ORC6: variants seen among roughly 807,000 people sequenced by gnomAD.
The protein encoded by ORC6 is origin recognition complex, subunit 6 homolog-like (yeast).
Under a neutral mutation model 30.0 loss-of-function variants are expected in ORC6, and 31 were observed. The ratio of observed to expected loss-of-function variants is 1.03; its 90% CI spans 0.78 to 1.40. ORC6 has a LOEUF of 1.40. Among genes scored for constraint, ORC6 ranks in the 40% most tolerant of loss-of-function variants. The pLI, the probability that ORC6 is intolerant of heterozygous loss-of-function variation, is 0.00. For missense variants in ORC6, 340 were observed against 304.3 expected, an observed-to-expected ratio of 1.12 and a Z score of -0.87; for synonymous variants, 136 against 111.2, an observed-to-expected ratio of 1.22 and a Z score of -1.40.
intron 2 of ORC6, among the ~76,000 whole-genome samples, chr16:46,692,065 CAAGT>C (rs1267268836): frequency 6.6e-6 from 1 of 151,824 alleles, no homozygotes; most frequent in Non-Finnish European, 1.5e-5. Context: ...TGTATAAACA[CAAGT>C]AACCATCTGT....
At chr16:46,690,884 C>T (rs1966428399) in intron 1 of ORC6, 107 bp from the exon 2 acceptor site, 5 of 1,176,570 alleles carry the variant, frequency 4.2e-6, no homozygotes, top group Non-Finnish European at 3.8e-6. Flanking sequence ...AAACGAGCCA[C>T]AGGAGTTAGG....
chr16:46,695,625 A>T lies in ORC6; in HGVS notation c.513A>T (p.Ile171=). ...MVATSGVKKA[I]FDRLCKQLEK... is the part of the protein sequence containing the mutation. ...CCACATCCGGTGTAAAAAAAGCTAT[A>T]TTTGATCGACTGTGTAAACAACTAG... Residue 171 remains isoleucine, a synonymous_variant, in exon 5 of 7, where the codon ATA becomes ATT. Coordinates refer to ENST00000219097, the MANE Select transcript of ORC6 (RefSeq NM_014321.4). The T allele has an allele frequency of 1.2e-6, 2 of 1,613,854 alleles. No homozygotes were observed. The highest frequency in any genetic ancestry group is 1.7e-6 in the Non-Finnish European group (2 of 1,179,748).
In ORC6 at chr16:46,689,688, C is replaced by G. The variant is rs753727001; in HGVS notation, c.-18C>G. On this transcript the variant is annotated 5_prime_UTR_variant, in exon 1 of 7. Coordinates refer to ENST00000219097, the MANE Select transcript of ORC6 (RefSeq NM_014321.4). ...ACCCGCGGCGTTCACGGGAATTGTT[C>G]GCTTTAGTGCCGGCGCCATGGGGTC... is the stretch of plus-strand genomic sequence containing the variant. 1 of 1,596,324 alleles carries G rather than the reference C, an allele frequency of 6.3e-7. No homozygotes were observed. The highest frequency in any genetic ancestry group is 8.5e-7 in the Non-Finnish European group (1 of 1,171,216).
In ORC6 at chr16:46,689,714, G is replaced by T. The variant is rs1035395171; in HGVS notation, c.9G>T (p.Ser3=). Reference sequence around the variant, plus strand: ...GCTTTAGTGCCGGCGCCATGGGGTCGGAGCTGATCGGGCGCCTAGCCCCGC... The same window carrying T: ...GCTTTAGTGCCGGCGCCATGGGGTCTGAGCTGATCGGGCGCCTAGCCCCGC... MG[S]ELIGRLAPRL... is the part of the protein sequence containing the mutation. Residue 3 remains serine, a synonymous_variant, in exon 1 of 7, where the codon TCG becomes TCT. Transcript: ENST00000219097. The T allele has an allele frequency of 2.0e-5, 32 of 1,601,502 alleles. No homozygotes were observed. Among genetic ancestry groups the T allele is most frequent in the Non-Finnish European group, 2.4e-5 (28 of 1,174,262 alleles).
In ORC6 at chr16:46,690,833, C is replaced by T. The variant is rs1452440829; in HGVS notation, c.66-158C>T. The T allele has an allele frequency of 5.4e-6, 4 of 737,132 alleles. No individual in the cohort carries two copies. In the African/African-American group the frequency reaches 6.9e-5, roughly 13 times the overall value. The allele number at this position is 737,132 out of a possible 1,614,324, so 45.7% of individuals were successfully genotyped here. ...TTGGAGTCAGTGCTGGTTCTGTCTT[C>T]CTCTCACCAGAGGATATGACCTTCA... On this transcript the variant is annotated intron_variant, in intron 1 of 6. Coordinates refer to ENST00000219097, the MANE Select transcript of ORC6 (RefSeq NM_014321.4).
At chr16:46,693,067 T>A (rs770774870) in intron 3 of ORC6, 26 bp from the exon 4 acceptor site, 2 of 1,419,434 alleles carry the variant, frequency 1.4e-6, no homozygotes, top group Admixed American at 3.3e-5. Context: ...TTCTAACAGA[T>A]AATTCTGCAA....
chr16:46,693,525 G>C (rs1054354460), intron 4 of ORC6: 4 of 351,666 alleles, frequency 1.1e-5, no homozygotes, highest in Non-Finnish European at 2.2e-5. Context: ...GGTTGGGCCA[G>C]GCGTGGTGGC....
chr16:46,695,547 G>A lies in ORC6; in HGVS notation c.450-15G>A. On this transcript the variant is annotated splice_polypyrimidine_tract_variant and intron_variant, in intron 4 of 6. Coordinates refer to ENST00000219097, the MANE Select transcript of ORC6 (RefSeq NM_014321.4). Reference sequence around the variant, plus strand: ...ACAGGTCTTGAGAAAAGCAACTTATGAAATTGTTTTGTAGGATTCTAAAGC... The same window carrying A: ...ACAGGTCTTGAGAAAAGCAACTTATAAAATTGTTTTGTAGGATTCTAAAGC... 2 of 1,536,620 alleles carry A rather than the reference G, an allele frequency of 1.3e-6. No homozygotes were observed. Among genetic ancestry groups the A allele is most frequent in the South Asian group, 2.2e-5 (2 of 89,486 alleles).
intron 1 of ORC6, chr16:46,690,706 G>C (rs1180573763): frequency 2.3e-6 from 1 of 441,720 alleles, no homozygotes; most frequent in East Asian, 5.0e-5. Context: ...GCCTGTCTCT[G>C]ATAGTTCGTG....
At chr16:46,691,230 G>A in intron 2 of ORC6, 110 bp downstream of exon 2, 1 of 991,212 alleles carries the variant, frequency 1.0e-6, no homozygotes, top group South Asian at 1.3e-5. Flanking sequence ...ATTGTCCTGG[G>A]TATTCTTGTG....
rs540729573 is a variant in ORC6 at position 46,697,639 on chromosome 16, A to G, written c.*54A>G. On this transcript the variant is annotated 3_prime_UTR_variant, in exon 7 of 7. Transcript: ENST00000219097. ...AAACTGATAGTACATTGCCATCTCC[A>G]GGAAGACTTGACGGCTTTGGGATTT... is the stretch of plus-strand genomic sequence containing the variant. 9 of 1,568,580 alleles carry G rather than the reference A, an allele frequency of 5.7e-6. No homozygotes were observed. The highest frequency in any genetic ancestry group is 3.3e-5 in the Admixed American group (2 of 59,968).
Position 46,692,358 on chromosome 16 carries a change from GTGTA to G in ORC6, c.196-20_196-17del, listed in dbSNP as rs750464425. On this transcript the variant is annotated intron_variant, in intron 2 of 6. Transcript: ENST00000219097. Reference sequence around the variant, plus strand: ...ATAGAACTTAAGGTTTTTATGATTTGTGTATGTGTTTTTCCTTTCACAGGCTTAT... The same window carrying G: ...ATAGAACTTAAGGTTTTTATGATTTGTGTGTTTTTCCTTTCACAGGCTTAT... The G allele has an allele frequency of 1.6e-5, 25 of 1,594,888 alleles. No individual in the cohort carries two copies. In the Admixed American group the frequency reaches 4.0e-4, roughly 26 times the overall value.
chr16:46,696,789 G>T (rs143143817), intron 6 of ORC6, among the ~76,000 whole-genome samples: 1 of 152,112 alleles, frequency 6.6e-6, no homozygotes, highest in African/African-American at 2.4e-5. Context: ...CCGAGTAGCT[G>T]GGACTACAGG....
At chr16:46,693,266 A>G in intron 4 of ORC6, 84 bp downstream of exon 4, 1 of 830,584 alleles carries the variant, frequency 1.2e-6, no homozygotes, top group Non-Finnish European at 2.1e-6. Flanking sequence ...AACTTAGTTG[A>G]TATCAATTCA....
chr16:46,695,825 T>C (rs1474462794), intron 5 of ORC6, 151 bp downstream of exon 5: 5 of 753,056 alleles, frequency 6.6e-6, no homozygotes, highest in Admixed American at 2.0e-5. Flanking sequence ...TTCTAACCTA[T>C]GATTCCATGA....
chr16:46,694,631 G>GGT (rs1423583683), intron 4 of ORC6: 3 of 146,414 alleles, frequency 2.0e-5, no homozygotes, highest in Non-Finnish European at 3.0e-5. Context: ...GGCTGGCCGG[G>GGT]CGGGGGGCTG....
chr16:46,689,950 G>C, intron 1 of ORC6, 180 bp downstream of exon 1: 1 of 825,500 alleles, frequency 1.2e-6, no homozygotes, highest in Non-Finnish European at 1.8e-6. Context: ...GAATGAGATG[G>C]CAAGAAGGGC....
At chr16:46,691,525 T>G (rs1966436869) in intron 2 of ORC6, among the ~76,000 whole-genome samples, 1 of 152,240 alleles carries the variant, frequency 6.6e-6, no homozygotes, top group Non-Finnish European at 1.5e-5. Flanking sequence ...TCCAGTGTCC[T>G]CATCCATAAA....
At position 46,690,736 on chromosome 16, in the gene ORC6, GA is replaced by G. The variant is rs201158255; in HGVS notation, c.66-254del. On this transcript the variant is annotated intron_variant, in intron 1 of 6. Transcript: ENST00000219097. ...TTCGTGCTTGTTCCAGTAATGGAAGGAGGAAAGAAGGGTAATTTTTTTGTCA... is the reference window on the plus strand; with the variant it reads ...TTCGTGCTTGTTCCAGTAATGGAAGGGGAAAGAAGGGTAATTTTTTTGTCA... The G allele has an allele frequency of 1.8e-3, 915 of 512,216 alleles. 6 individuals carry two copies. Among genetic ancestry groups the G allele is most frequent in the African/African-American group, 0.016 (851 of 52,320 alleles). 31.7% of individuals were successfully genotyped at this position (512,216 alleles called of 1,614,324 possible). A position where few individuals can be genotyped will look rare whatever the true frequency, so the allele number is the denominator to read the frequency against.
Sources: allele counts gnomAD v4.1 joint callset (sites outside exome capture counted in the v4.1 genomes callset), GRCh38; gene constraint gnomAD v4.1.1; transcripts MANE v1.5; gene names NCBI Gene and HGNC (gene_info 2026-07-23, HGNC 2026-07-21).